The following DNAJC24 variants were observed in gnomAD, a reference collection of about 807,000 sequenced individuals.
The protein encoded by DNAJC24 is dnaJ homolog subfamily C member 24.
In DNAJC24, 17 loss-of-function variants were observed where a neutral mutation model predicts 18.0. The ratio of observed to expected loss-of-function variants is 0.94; its 90% CI spans 0.65 to 1.42. The LOEUF (loss-of-function observed/expected upper bound fraction) is 1.42. DNAJC24 is among the 40% of genes most tolerant of loss of function. The probability of loss-of-function intolerance (pLI) is 0.00; values close to 1 mark genes in which losing one functional copy is unlikely to be tolerated. For missense variants in DNAJC24, 158 were observed against 175.6 expected (o/e 0.90, Z 0.57); for synonymous variants, 55 against 57.7 (o/e 0.95, Z 0.21).
intron 2 of DNAJC24, among the ~76,000 whole-genome samples, chr11:31,380,300 C>T (rs1040241838): frequency 6.6e-6 from 1 of 152,116 alleles, no homozygotes. Flanking sequence ...AACAAAGACA[C>T]ATAATAAATA....
intron 3 of DNAJC24, chr11:31,416,205 T>A (rs1952750179): frequency 6.6e-6 from 1 of 152,170 alleles, no homozygotes; most frequent in African/African-American, 2.4e-5. Context: ...AAAGGTTAAT[T>A]TTCAAAAATG....
chr11:31,410,915 C>T (rs1016681600), intron 2 of DNAJC24, among the ~76,000 whole-genome samples: 9 of 152,076 alleles, frequency 5.9e-5, no homozygotes, highest in Admixed American at 2.0e-4. Context: ...ATCAGTTTGT[C>T]CATTTTCCCT....
intron 3 of DNAJC24, among the ~76,000 whole-genome samples, chr11:31,424,820 T>A (rs891954772): frequency 5.9e-5 from 9 of 152,116 alleles, no homozygotes; most frequent in African/African-American, 1.7e-4. Context: ...TAATAAATTT[T>A]GAACAGGCAG....
In DNAJC24 at chr11:31,373,571, G is replaced by A. The variant is rs188699989; in HGVS notation, c.111+2712G>A. Among the ~76,000 whole-genome samples the A allele has an allele frequency of 3.7e-5, 5 of 134,346 alleles. 2 individuals carry two copies. The highest frequency in any genetic ancestry group is 5.0e-4 in the South Asian group (2 of 4,016). 88.1% of individuals were successfully genotyped at this position (134,346 alleles called of 152,430 possible). On this transcript the variant is annotated intron_variant, in intron 2 of 4. Coordinates refer to ENST00000465995, the MANE Select transcript of DNAJC24 (RefSeq NM_181706.5). ...TTATCCTTCTTTTCCAGTTTATTTC[G>A]GTTATTCTAGTTTGCTTATATTTCC...
chr11:31,371,166 T>G (rs1484215314), intron 2 of DNAJC24, among the ~76,000 whole-genome samples: 3 of 152,196 alleles, frequency 2.0e-5, no homozygotes, highest in Non-Finnish European at 4.4e-5. Context: ...ATAATCCATG[T>G]AAAATATTTA....
At chr11:31,371,501 T>G (rs1297022009) in intron 2 of DNAJC24, among the ~76,000 whole-genome samples, 1 of 152,108 alleles carries the variant, frequency 6.6e-6, no homozygotes, top group Admixed American at 6.5e-5. Context: ...CATCTTTTTA[T>G]ACATACTGTC....
chr11:31,413,469 T>G (rs1246312009), intron 2 of DNAJC24, among the ~76,000 whole-genome samples: 1 of 151,790 alleles, frequency 6.6e-6, no homozygotes, highest in Non-Finnish European at 1.5e-5. Context: ...TAGCTGGGAT[T>G]ACAGGCGCCC....
rs373782692 is a variant in DNAJC24, at chr11:31,398,092, C to T, written c.112-16719C>T. Among the ~76,000 whole-genome samples the T allele has an allele frequency of 7.2e-5, 11 of 152,304 alleles. 1 individual carries two copies. In the East Asian group the frequency reaches 1.5e-3, roughly 21 times the overall value. The stretch of plus-strand genomic sequence containing the variant: ...CTAGGATTATAGGCGTGAGCCACCA[C>T]GCCTGGCCCAATATGTATTTCTTGG... On this transcript the variant is annotated intron_variant, in intron 2 of 4. Coordinates refer to ENST00000465995, the MANE Select transcript of DNAJC24 (RefSeq NM_181706.5).
intron 2 of DNAJC24, among the ~76,000 whole-genome samples, chr11:31,386,206 A>G (rs1179881214): frequency 1.3e-5 from 2 of 152,026 alleles, no homozygotes; most frequent in African/African-American, 2.4e-5. Context: ...GACACGTGTT[A>G]TGCTGGGCTC....
intron 2 of DNAJC24, among the ~76,000 whole-genome samples, chr11:31,393,098 A>G (rs1213533901): frequency 6.6e-6 from 1 of 152,214 alleles, no homozygotes; most frequent in Non-Finnish European, 1.5e-5. Context: ...GTAGTAGTCC[A>G]AATGGACTAA....
rs969570411 is a variant in DNAJC24 at position 31,422,742 on chromosome 11, A to G, written c.251-3545A>G. ...TTACTTTAGAGGATGGGGAAGAATTAAGTTTTTTAATTATAACCACAATGG... is the reference window on the plus strand; with the variant it reads ...TTACTTTAGAGGATGGGGAAGAATTGAGTTTTTTAATTATAACCACAATGG... On this transcript the variant is annotated intron_variant, in intron 3 of 4. Transcript: ENST00000465995. Among the ~76,000 whole-genome samples the G allele has an allele frequency of 2.6e-5, 4 of 152,188 alleles. No homozygotes were observed. The East Asian group carries it at 7.7e-4, about 29-fold the overall frequency.
chr11:31,423,283 C>G (rs7112999), intron 3 of DNAJC24, among the ~76,000 whole-genome samples: 2 of 152,100 alleles, frequency 1.3e-5, no homozygotes, highest in Non-Finnish European at 2.9e-5. Context: ...GTTTTCGAGA[C>G]GGAGTCTCGC....
intron 2 of DNAJC24, among the ~76,000 whole-genome samples, chr11:31,412,008 A>C (rs567515498): frequency 6.6e-6 from 1 of 152,204 alleles, no homozygotes; most frequent in Non-Finnish European, 1.5e-5. Context: ...CCCATTAAAT[A>C]AATGTCATGG....
intron 1 of DNAJC24, among the ~76,000 whole-genome samples, chr11:31,370,323 TTTTA>T (rs1216423511): frequency 6.6e-6 from 1 of 152,214 alleles, no homozygotes; most frequent in Admixed American, 6.5e-5. Flanking sequence ...TTTGCTTTTT[TTTTA>T]TTCGTTCATT....
chr11:31,380,149 G>A (rs1467755171), intron 2 of DNAJC24, among the ~76,000 whole-genome samples: 1 of 152,104 alleles, frequency 6.6e-6, no homozygotes, highest in African/African-American at 2.4e-5. Flanking sequence ...ATGATTTAGG[G>A]CATTATTATA....
At chr11:31,417,755 T>C (rs1952763735) in intron 3 of DNAJC24, among the ~76,000 whole-genome samples, 2 of 152,120 alleles carry the variant, frequency 1.3e-5, no homozygotes, top group African/African-American at 4.8e-5. Flanking sequence ...TGGCTGGTCT[T>C]GAATGCTTTC....
At chr11:31,398,976 G>A (rs1294026366) in intron 2 of DNAJC24, among the ~76,000 whole-genome samples, 1 of 152,150 alleles carries the variant, frequency 6.6e-6, no homozygotes, top group Non-Finnish European at 1.5e-5. Flanking sequence ...ACTGCTAATC[G>A]TCATCTGGGG....
At position 31,430,855 on chromosome 11, in the gene DNAJC24, C is replaced by T. The variant is rs1952915654; in HGVS notation, c.*454C>T. ...GTGAATAATGTGAGGCCAGTTCTTCCATAAGGAAGGCTGGTTATGGATATT... is the reference window on the plus strand; with the variant it reads ...GTGAATAATGTGAGGCCAGTTCTTCTATAAGGAAGGCTGGTTATGGATATT... On this transcript the variant is annotated 3_prime_UTR_variant, in exon 5 of 5. Transcript: ENST00000465995. The T allele has an allele frequency of 1.3e-5, 2 of 152,494 alleles. No individual in the cohort carries two copies. Among genetic ancestry groups the T allele is most frequent in the South Asian group, 4.2e-4 (2 of 4,810 alleles). 9.4% of individuals were successfully genotyped at this position (152,494 alleles called of 1,614,324 possible).
chr11:31,390,626 A>T (rs888051941), intron 2 of DNAJC24, among the ~76,000 whole-genome samples: 2 of 150,576 alleles, frequency 1.3e-5, no homozygotes, highest in Admixed American at 1.3e-4. Context: ...GAATTGCTTG[A>T]ACCTGGGAGG....
Sources: gnomAD v4.1 joint callset for allele counts (sites outside exome capture counted in the v4.1 genomes callset) on GRCh38, gnomAD v4.1.1 for gene constraint, MANE v1.5 for transcripts, NCBI Gene and HGNC (gene_info 2026-07-23, HGNC 2026-07-21) for gene names.